TBL1XR1: variants seen among roughly 807,000 people sequenced by gnomAD.
TBL1XR1 encodes F-box-like/WD repeat-containing protein TBL1XR1.
In TBL1XR1, 5 loss-of-function variants were observed where a neutral mutation model predicts 66.9. That is an observed-to-expected ratio of 0.07 (90% confidence interval 0.04 to 0.16). The LOEUF is 0.16. TBL1XR1 is among the 10% of genes least tolerant of loss of function. TBL1XR1 has a pLI of 1.00. For missense variants in TBL1XR1, 238 were observed against 623.2 expected (o/e 0.38, Z 6.58); for synonymous variants, 210 against 206.0 (o/e 1.02, Z -0.17).
At chr3:177,062,622 T>C (rs1477667292) in intron 3 of TBL1XR1, among the ~76,000 whole-genome samples, 3 of 152,204 alleles carry the variant, frequency 2.0e-5, no homozygotes, top group African/African-American at 7.2e-5. Context: ...GATTTTCACA[T>C]TTTTAGAGAT....
At chr3:177,125,361 G>A (rs1366340734) in intron 1 of TBL1XR1, among the ~76,000 whole-genome samples, 1 of 152,064 alleles carries the variant, frequency 6.6e-6, no homozygotes, top group Non-Finnish European at 1.5e-5. Flanking sequence ...GTGCCATTAG[G>A]ATGGCAATCA....
At chr3:177,122,648 T>G (rs899315208) in intron 1 of TBL1XR1, among the ~76,000 whole-genome samples, 1 of 151,980 alleles carries the variant, frequency 6.6e-6, no homozygotes, top group South Asian at 2.1e-4. Context: ...AAAAGCAGAG[T>G]TCTTGGATCA....
At chr3:177,117,761 ACT>A (rs1193093588) in intron 1 of TBL1XR1, among the ~76,000 whole-genome samples, 1 of 152,160 alleles carries the variant, frequency 6.6e-6, no homozygotes. Flanking sequence ...GCTTTAATAA[ACT>A]CTACTTCTAT....
chr3:177,178,986 G>A (rs948117428), intron 1 of TBL1XR1, among the ~76,000 whole-genome samples: 11 of 151,914 alleles, frequency 7.2e-5, no homozygotes, highest in Non-Finnish European at 1.2e-4. Context: ...GTGTGGTGGC[G>A]GGTGCCTGTA....
intron 1 of TBL1XR1, among the ~76,000 whole-genome samples, chr3:177,130,602 T>C (rs1045618256): frequency 6.6e-6 from 1 of 152,168 alleles, no homozygotes; most frequent in Non-Finnish European, 1.5e-5. Flanking sequence ...GTGAACCAAG[T>C]GGCTAGGGGA....
At chr3:177,129,286 C>A (rs1004647260) in intron 1 of TBL1XR1, among the ~76,000 whole-genome samples, 2 of 152,030 alleles carry the variant, frequency 1.3e-5, no homozygotes, top group African/African-American at 4.8e-5. Flanking sequence ...TTACATGTAA[C>A]GAGATCCAGA....
At chr3:177,156,544 CACACTTATATATATAT>C (rs1210867174) in intron 1 of TBL1XR1, among the ~76,000 whole-genome samples, 2 of 142,402 alleles carry the variant, frequency 1.4e-5, no homozygotes, top group African/African-American at 5.1e-5. Flanking sequence ...CACACACACA[CACACTTATATATATAT>C]ACACACACAT....
At chr3:177,193,934 T>C (rs1736492204) in intron 1 of TBL1XR1, 1 of 152,224 alleles carries the variant, frequency 6.6e-6, no homozygotes, top group Non-Finnish European at 1.5e-5. Flanking sequence ...CCCAACACTA[T>C]CTACCTCATA....
At chr3:177,185,365 T>C (rs898608387) in intron 1 of TBL1XR1, among the ~76,000 whole-genome samples, 5 of 152,186 alleles carry the variant, frequency 3.3e-5, no homozygotes, top group Non-Finnish European at 5.9e-5. Flanking sequence ...TTCCAGCACT[T>C]TGGGAGGCCG....
chr3:177,074,948 T>G (rs1215660932), intron 2 of TBL1XR1, among the ~76,000 whole-genome samples: 2 of 152,192 alleles, frequency 1.3e-5, no homozygotes, highest in African/African-American at 4.8e-5. Flanking sequence ...TCTGGTAATC[T>G]GTACAAAATG....
At chr3:177,085,024 T>A (rs191761579) in intron 2 of TBL1XR1, among the ~76,000 whole-genome samples, 1 of 152,296 alleles carries the variant, frequency 6.6e-6, no homozygotes, top group Admixed American at 6.5e-5. Flanking sequence ...TCCCCCCAAC[T>A]TTCACCAGCT....
At chr3:177,174,290 T>C (rs1733903177) in intron 1 of TBL1XR1, among the ~76,000 whole-genome samples, 1 of 149,894 alleles carries the variant, frequency 6.7e-6, no homozygotes, top group Admixed American at 6.8e-5. Context: ...GCACCTGTAG[T>C]CCCAGCTACT....
chr3:177,047,706 G>C, intron 7 of TBL1XR1, 157 bp from the exon 8 acceptor site: 1 of 724,804 alleles, frequency 1.4e-6, no homozygotes. Context: ...GCCACTAAAG[G>C]CCTATGAAAC....
chr3:177,060,419 G>A (rs368662291), intron 3 of TBL1XR1, among the ~76,000 whole-genome samples: 13 of 152,164 alleles, frequency 8.5e-5, no homozygotes, highest in South Asian at 4.1e-4. Context: ...CAGTTAAGTC[G>A]TTCAATTATA....
chr3:177,098,319 A>C (rs549039999), intron 2 of TBL1XR1, 147 bp downstream of exon 2: 1 of 240,936 alleles, frequency 4.2e-6, no homozygotes, highest in Non-Finnish European at 6.7e-6. Context: ...CATATATTTA[A>C]AAAGAATAAA....
At chr3:177,098,069 C>T (rs1032009442) in intron 2 of TBL1XR1, among the ~76,000 whole-genome samples, 1 of 151,830 alleles carries the variant, frequency 6.6e-6, no homozygotes, top group African/African-American at 2.4e-5. Flanking sequence ...ATTAGCTGGG[C>T]GTGGTGGCGC....
intron 2 of TBL1XR1, among the ~76,000 whole-genome samples, chr3:177,095,175 A>G (rs1723311545): frequency 6.6e-6 from 1 of 152,044 alleles, no homozygotes; most frequent in Non-Finnish European, 1.5e-5. Context: ...ACTCAGAAAC[A>G]GAAATAAAAG....
intron 2 of TBL1XR1, among the ~76,000 whole-genome samples, chr3:177,068,489 C>A (rs1427968034): frequency 6.6e-6 from 1 of 152,114 alleles, no homozygotes. Context: ...AACTTTGTAG[C>A]CAATAATTCA....
At position 177,051,408 on chromosome 3, in the gene TBL1XR1, C is replaced by G. The variant is rs1347835852; in HGVS notation, c.427+96G>C. ...ACAAACCCCTGTGATATGAGTTCAT[C>G]TATATAACAAACCTGCACATGTACC... On this transcript the variant is annotated intron_variant, in intron 5 of 15. Transcript: ENST00000457928. 4.5e-6 allele frequency: 5 copies of G among 1,114,134 alleles called. No homozygotes were observed. The Admixed American group carries it at 1.4e-4, about 31-fold the overall frequency. The allele number at this position is 1,114,134 out of a possible 1,614,324, so 69.0% of individuals were successfully genotyped here. A position where few individuals can be genotyped will look rare whatever the true frequency, so the allele number is the denominator to read the frequency against.
Sources: allele counts gnomAD v4.1 joint callset (sites outside exome capture counted in the v4.1 genomes callset), GRCh38; gene constraint gnomAD v4.1.1; transcripts MANE v1.5; gene names NCBI Gene and HGNC (gene_info 2026-07-23, HGNC 2026-07-21).